Variants in INPP5B observed in about 807,000 individuals in gnomAD.
INPP5B encodes the protein inositol polyphosphate-5-phosphatase B.
A neutral mutation model predicts 118.5 loss-of-function variants in INPP5B; 90 were observed. The ratio of observed to expected loss-of-function variants is 0.76; its 90% confidence interval spans 0.64 to 0.90. INPP5B has a LOEUF of 0.90. Among genes scored for constraint, INPP5B ranks in the 40% least tolerant of loss-of-function variants. INPP5B has a pLI of 0.00. For synonymous variants in INPP5B, 385 were observed against 418.9 expected (o/e 0.92, Z 0.99); for missense variants, 984 against 1,125.6 (o/e 0.87, Z 1.80).
chr1:37,865,493 G>A (rs1283160281), intron 22 of INPP5B, among the ~76,000 whole-genome samples: 1 of 152,206 alleles, frequency 6.6e-6, no homozygotes, highest in East Asian at 1.9e-4. Flanking sequence ...ATGGAAGAGA[G>A]AGGATGGGTG....
intron 22 of INPP5B, 31 bp from the exon 23 acceptor site, chr1:37,864,454 T>A: frequency 7.7e-7 from 1 of 1,295,248 alleles, no homozygotes; most frequent in Non-Finnish European, 1.1e-6. Context: ...ATTTGTCTTT[T>A]GTTCACTGAA....
intron 19 of INPP5B, 63 bp from the exon 20 acceptor site, chr1:37,868,677 A>T (rs1482066952): frequency 9.7e-7 from 1 of 1,034,948 alleles, no homozygotes; most frequent in African/African-American, 1.6e-5. Context: ...AATGCATGGC[A>T]TGGGGACAGC....
chr1:37,940,890 G>T, intron 5 of INPP5B, 92 bp from the exon 6 acceptor site: 1 of 826,082 alleles, frequency 1.2e-6, no homozygotes, highest in Non-Finnish European at 2.0e-6. Context: ...CAGCAACCCA[G>T]ACTCCCAAAG....
chr1:37,931,237 T>G (rs1288544117), intron 7 of INPP5B: 1 of 364,386 alleles, frequency 2.7e-6, no homozygotes, highest in Non-Finnish European at 5.2e-6. Context: ...GGCTGAGAAC[T>G]GACAGAGCCC....
At chr1:37,871,680 A>T (rs1235826965) in intron 19 of INPP5B, among the ~76,000 whole-genome samples, 1 of 151,764 alleles carries the variant, frequency 6.6e-6, no homozygotes, top group East Asian at 2.0e-4. Flanking sequence ...AGGTGGGCGG[A>T]TCACCTGAGG....
intron 7 of INPP5B, among the ~76,000 whole-genome samples, chr1:37,901,488 T>C (rs1644330087): frequency 6.6e-6 from 1 of 152,170 alleles, no homozygotes; most frequent in Non-Finnish European, 1.5e-5. Context: ...CTCAGGATGT[T>C]TCTTTAGGTA....
At chr1:37,931,224 A>G in intron 7 of INPP5B, 1 of 349,464 alleles carries the variant, frequency 2.9e-6, no homozygotes, top group Non-Finnish European at 5.5e-6. Flanking sequence ...CTATCATCAC[A>G]GGGGCTGAGA....
At chr1:37,935,258 C>G (rs1645641137) in intron 6 of INPP5B, among the ~76,000 whole-genome samples, 1 of 143,346 alleles carries the variant, frequency 7.0e-6, no homozygotes, top group African/African-American at 2.6e-5. Context: ...GTGGCACGAT[C>G]TCGGCTCACT....
intron 13 of INPP5B, chr1:37,885,060 G>A (rs1482372373): frequency 6.6e-6 from 1 of 152,152 alleles, no homozygotes; most frequent in Non-Finnish European, 1.5e-5. Flanking sequence ...AAATTGAAAT[G>A]ATACAGAGAA....
chr1:37,894,208 G>A (rs147505934), intron 7 of INPP5B, among the ~76,000 whole-genome samples: 59 of 152,316 alleles, frequency 3.9e-4, no homozygotes, highest in African/African-American at 1.3e-3. Flanking sequence ...TGGCAGGCTG[G>A]ATTTGGCCTA....
intron 7 of INPP5B, among the ~76,000 whole-genome samples, chr1:37,913,974 G>C (rs1289644859): frequency 6.6e-6 from 1 of 151,684 alleles, no homozygotes; most frequent in Non-Finnish European, 1.5e-5. Context: ...CCCCACTTAA[G>C]AAGGTGCTTC....
chr1:37,902,759 T>C (rs1316694764), intron 7 of INPP5B, among the ~76,000 whole-genome samples: 3 of 152,078 alleles, frequency 2.0e-5, no homozygotes, highest in East Asian at 1.9e-4. Flanking sequence ...GATTTCTCCA[T>C]GTTGGTCAGG....
At chr1:37,933,036 G>C (rs748615655) in intron 6 of INPP5B, among the ~76,000 whole-genome samples, 19 of 152,130 alleles carry the variant, frequency 1.2e-4, no homozygotes, top group Non-Finnish European at 2.5e-4. Context: ...AGAGCTGCAT[G>C]AACCCGACCG....
At position 37,918,434 on chromosome 1, in the gene INPP5B, A is replaced by C. The variant is rs146984992; in HGVS notation, c.532+13479T>G. 2.4e-3 allele frequency among the ~76,000 whole-genome samples: 370 copies of C among 152,244 alleles called. 1 individual carries two copies. The highest frequency in any genetic ancestry group is 8.7e-3 in the African/African-American group (361 of 41,540). On this transcript the variant is annotated intron_variant, in intron 7 of 23. Transcript: ENST00000373024. Reference sequence around the variant, plus strand: ...CCATCCGCACTCCTGCCTTCATATGAAGTTACTCCTACTTTTTGGCCACCT... The same window carrying C: ...CCATCCGCACTCCTGCCTTCATATGCAGTTACTCCTACTTTTTGGCCACCT...
In INPP5B at chr1:37,945,756, G is replaced by T; in HGVS notation, c.152C>A (p.Ala51Asp). 6.2e-7 allele frequency: 1 copy of T among 1,612,624 alleles called. No individual in the cohort carries two copies. Among genetic ancestry groups the T allele is most frequent in the Non-Finnish European group, 8.5e-7 (1 of 1,178,862 alleles). The change falls in exon 3 of 24, where the codon GCT becomes GAT. Residue 51 changes from alanine to aspartate, a missense_variant and splice_region_variant. Coordinates refer to ENST00000373024, the MANE Select transcript of INPP5B (RefSeq NM_005540.3). ...YRLEHGGQEHALFLYTHRRMA... is the reference protein window; with the variant it reads ...YRLEHGGQEHDLFLYTHRRMA... ...GGTGGGGACCAAGCCCCTCACTCAC[G>T]CGTGTTCCTGGCCGCCGTGCTCCAG...
At chr1:37,882,958 A>C (rs947580268) in intron 13 of INPP5B, 40 bp from the exon 14 acceptor site, 2 of 1,612,840 alleles carry the variant, frequency 1.2e-6, no homozygotes, top group East Asian at 2.2e-5. Flanking sequence ...GTTTAGGAGG[A>C]ACTTTAACCT....
chr1:37,866,406 T>TCTCTCA (rs748938943), intron 21 of INPP5B, 53 bp downstream of exon 21: 429 of 403,308 alleles, frequency 1.1e-3, no homozygotes, highest in Admixed American at 1.6e-3. Flanking sequence ...TCTCTCTCTC[T>TCTCTCA]CACACACACA....
chr1:37,900,073 A>ATTTTTT (rs34018622), intron 7 of INPP5B, among the ~76,000 whole-genome samples: 1 of 114,636 alleles, frequency 8.7e-6, no homozygotes, highest in African/African-American at 3.6e-5. Context: ...TTTACCTTGA[A>ATTTTTT]TTTTTTTTTT....
At position 37,914,222 on chromosome 1, in the gene INPP5B, A is replaced by G. The variant is rs538026449; in HGVS notation, c.532+17691T>C. On this transcript the variant is annotated intron_variant, in intron 7 of 23. Coordinates refer to ENST00000373024, the MANE Select transcript of INPP5B (RefSeq NM_005540.3). ...TAATCAAGAAATTTTAAAAAATTAAAACGGCAACCAGTAGCCCTCAGGGCT... is the reference window on the plus strand; with the variant it reads ...TAATCAAGAAATTTTAAAAAATTAAGACGGCAACCAGTAGCCCTCAGGGCT... 2.0e-5 allele frequency among the ~76,000 whole-genome samples: 3 copies of G among 152,322 alleles called. No homozygotes were observed. In the South Asian group the frequency reaches 6.2e-4, roughly 32 times the overall value.
Sources: allele counts gnomAD v4.1 joint callset (sites outside exome capture counted in the v4.1 genomes callset), GRCh38; gene constraint gnomAD v4.1.1; transcripts MANE v1.5; gene names NCBI Gene and HGNC (gene_info 2026-07-23, HGNC 2026-07-21).